Variants in VEPH1 observed in about 807,000 individuals in gnomAD.
VEPH1 encodes the protein ventricular zone-expressed PH domain-containing protein homolog 1.
A neutral mutation model predicts 85.2 loss-of-function variants in VEPH1; 80 were observed. That is an observed-to-expected ratio of 0.94 (90% confidence interval 0.78 to 1.13). The LOEUF is 1.13. Ranked by LOEUF, VEPH1 falls within the 50% of genes most tolerant of loss-of-function variation. The probability of loss-of-function intolerance (pLI) is 0.00; values close to 1 mark genes in which losing one functional copy is unlikely to be tolerated. For synonymous variants in VEPH1, 297 were observed against 348.0 expected, an observed-to-expected ratio of 0.85 and a Z score of 1.63; for missense variants, 955 against 980.5, an observed-to-expected ratio of 0.97 and a Z score of 0.35.
At chr3:157,289,755 G>T (rs1717243007) in intron 11 of VEPH1, among the ~76,000 whole-genome samples, 1 of 152,170 alleles carries the variant, frequency 6.6e-6, no homozygotes. Flanking sequence ...AACAAAAATA[G>T]ATTTGTTTAG....
At chr3:157,465,382 GATA>G (rs888518533) in intron 3 of VEPH1, among the ~76,000 whole-genome samples, 8 of 152,180 alleles carry the variant, frequency 5.3e-5, no homozygotes, top group African/African-American at 1.7e-4. Context: ...TGCAGATAAT[GATA>G]ATGATGATGA....
intron 11 of VEPH1, among the ~76,000 whole-genome samples, chr3:157,305,036 A>ATATCTATCTATC (rs10530716): frequency 0.19 from 26,760 of 139,378 alleles, 2,744 homozygotes; most frequent in African/African-American, 0.23. Flanking sequence ...GTGTATTGTT[A>ATATCTATCTATC]TATCTATCTA....
At chr3:157,425,676 A>G (rs1462725104) in intron 5 of VEPH1, among the ~76,000 whole-genome samples, 1 of 152,240 alleles carries the variant, frequency 6.6e-6, no homozygotes, top group Non-Finnish European at 1.5e-5. Flanking sequence ...GCTCATAAGC[A>G]GAAGGCACTT....
chr3:157,368,970 C>T (rs1199901082), intron 7 of VEPH1, among the ~76,000 whole-genome samples: 4 of 151,162 alleles, frequency 2.6e-5, no homozygotes, highest in Admixed American at 2.0e-4. Flanking sequence ...GGGATAAATC[C>T]CTGCTGCACT....
chr3:157,272,511 G>T (rs1447782331), intron 12 of VEPH1, among the ~76,000 whole-genome samples: 2 of 145,230 alleles, frequency 1.4e-5, no homozygotes, highest in African/African-American at 5.1e-5. Flanking sequence ...AGGCTGGAGT[G>T]CAGTGACACA....
chr3:157,367,593 A>G (rs940619521), intron 7 of VEPH1, among the ~76,000 whole-genome samples: 5 of 152,250 alleles, frequency 3.3e-5, no homozygotes, highest in African/African-American at 1.2e-4. Flanking sequence ...TGGGGTCATT[A>G]AAACTTAAAA....
chr3:157,369,180 G>GAAAAAAAAAAAAACAAAAAA (rs1727124343), intron 7 of VEPH1, among the ~76,000 whole-genome samples: 1 of 42,784 alleles, frequency 2.3e-5, no homozygotes, highest in East Asian at 1.4e-3. Context: ...AAAACCAAAT[G>GAAAAAAAAAAAAACAAAAAA]AAAAAAAAAA....
At chr3:157,421,142 T>C (rs1418462505) in intron 5 of VEPH1, among the ~76,000 whole-genome samples, 1 of 152,192 alleles carries the variant, frequency 6.6e-6, no homozygotes, top group Non-Finnish European at 1.5e-5. Context: ...AGGGGACCCA[T>C]CTGCTCAGTT....
At chr3:157,381,111 C>CAGGTGCACAGCAGCTCCCTG (rs763116115) in intron 7 of VEPH1, 45 bp downstream of exon 7, 1 of 1,597,828 alleles carries the variant, frequency 6.3e-7, no homozygotes, top group South Asian at 1.1e-5. Flanking sequence ...TCTACCCCCA[C>CAGGTGCACAGCAGCTCCCTG]AGGTGCACAG....
At chr3:157,465,989 G>A (rs375701904) in intron 3 of VEPH1, among the ~76,000 whole-genome samples, 83 of 152,344 alleles carry the variant, frequency 5.4e-4, no homozygotes, top group Non-Finnish European at 7.2e-4. Flanking sequence ...TGTGACTGCA[G>A]TAGAGTGAGG....
In VEPH1 at chr3:157,470,255, C is replaced by T; in HGVS notation, c.354+59G>A. On this transcript the variant is annotated intron_variant, in intron 3 of 13. Coordinates refer to ENST00000362010, the MANE Select transcript of VEPH1 (RefSeq NM_001167912.2). ...ATTGGCTCTTGGTTCACAGACATCA[C>T]AGGTTCACCTAGGCTGCCAACTCAG... is the stretch of plus-strand genomic sequence containing the variant. 8 of 1,501,612 alleles carry T rather than the reference C, an allele frequency of 5.3e-6. No individual in the cohort carries two copies. The Admixed American group carries it at 8.6e-5, about 16-fold the overall frequency. The allele number at this position is 1,501,612 out of a possible 1,614,324, so 93.0% of individuals were successfully genotyped here. A position where few individuals can be genotyped will look rare whatever the true frequency, so the allele number is the denominator to read the frequency against.
chr3:157,315,914 CGTT>C (rs1720702178), intron 10 of VEPH1: 1 of 151,552 alleles, frequency 6.6e-6, no homozygotes, highest in Non-Finnish European at 1.5e-5. Context: ...AAAATAAGGT[CGTT>C]ATTTCAAGAA....
intron 4 of VEPH1, among the ~76,000 whole-genome samples, chr3:157,434,251 A>G (rs1444901865): frequency 6.6e-6 from 1 of 151,766 alleles, no homozygotes; most frequent in Non-Finnish European, 1.5e-5. Flanking sequence ...TTTCTACTTT[A>G]TGTTTTATGC....
chr3:157,317,247 G>A (rs750922240), intron 9 of VEPH1, 46 bp from the exon 10 acceptor site: 1 of 1,521,644 alleles, frequency 6.6e-7, no homozygotes, highest in Admixed American at 2.1e-5. Context: ...TCTTTCCAGA[G>A]TTACACTTTA....
intron 6 of VEPH1, among the ~76,000 whole-genome samples, chr3:157,397,249 G>A (rs1730468238): frequency 6.6e-6 from 1 of 152,122 alleles, no homozygotes; most frequent in East Asian, 1.9e-4. Flanking sequence ...GTAGATGCGT[G>A]GTCTTATTTC....
intron 4 of VEPH1, among the ~76,000 whole-genome samples, chr3:157,452,066 G>A (rs1460326707): frequency 6.6e-6 from 1 of 152,156 alleles, no homozygotes; most frequent in Admixed American, 6.6e-5. Flanking sequence ...AATCAAAGAT[G>A]TGATTGTGTG....
At chr3:157,406,065 A>T (rs1375301586) in intron 6 of VEPH1, among the ~76,000 whole-genome samples, 1 of 152,192 alleles carries the variant, frequency 6.6e-6, no homozygotes, top group African/African-American at 2.4e-5. Flanking sequence ...TATTATTTAC[A>T]GTTAACATGT....
intron 4 of VEPH1, 109 bp from the exon 5 acceptor site, chr3:157,428,597 A>G (rs1732922076): frequency 2.0e-6 from 2 of 980,228 alleles, no homozygotes; most frequent in East Asian, 5.1e-5. Context: ...AATAGCACAG[A>G]CTGATGGCCA....
chr3:157,275,587 CA>C lies in VEPH1; in HGVS notation c.2129-9926del, dbSNP rs144274851. Among the ~76,000 whole-genome samples the C allele has an allele frequency of 2.0e-5, 3 of 150,972 alleles. No individual in the cohort carries two copies. In the East Asian group the frequency reaches 5.9e-4, roughly 29 times the overall value. ...GACACTCCATTTCAAAAAAAACCAACAAAAAATATATATATATAATGATTGA... is the reference window on the plus strand; with the variant it reads ...GACACTCCATTTCAAAAAAAACCAACAAAAATATATATATATAATGATTGA... On this transcript the variant is annotated intron_variant, in intron 12 of 13. Transcript: ENST00000362010.
Sources: allele counts gnomAD v4.1 joint callset (sites outside exome capture counted in the v4.1 genomes callset), GRCh38; gene constraint gnomAD v4.1.1; transcripts MANE v1.5; gene names NCBI Gene and HGNC (gene_info 2026-07-23, HGNC 2026-07-21).